MMP17: variants seen among roughly 807,000 people sequenced by gnomAD.
MMP17 encodes matrix metallopeptidase 17.
In MMP17, 54 loss-of-function variants were observed where a neutral mutation model predicts 49.1. The ratio of observed to expected loss-of-function variants is 1.10; its 90% CI spans 0.88 to 1.38. The LOEUF (loss-of-function observed/expected upper bound fraction) is 1.38, where lower values mean the gene tolerates loss of function less well. Ranked by LOEUF, MMP17 falls within the 40% of genes most tolerant of loss-of-function variation. The probability of loss-of-function intolerance (pLI) is 0.00; values close to 1 mark genes in which losing one functional copy is unlikely to be tolerated. For missense variants in MMP17, 837 were observed against 853.7 expected (o/e 0.98, Z 0.24); for synonymous variants, 397 against 383.1 (o/e 1.04, Z -0.42).
chr12:131,845,699 CCA>C (rs754196852), intron 8 of MMP17, among the ~76,000 whole-genome samples: 110 of 151,650 alleles, frequency 7.3e-4, no homozygotes, highest in Non-Finnish European at 8.5e-4. Context: ...TCTAGTCAGG[CCA>C]CAGTCCACCC....
rs1183679648 is a variant in MMP17 at position 131,841,765 on chromosome 12, C to G, written c.848C>G (p.Pro283Arg). The change falls in exon 5 of 10, where the codon CCC becomes CGC. Residue 283 changes from proline to arginine, a missense_variant. Pro to Arg is a moderately radical substitution (Grantham distance 103, BLOSUM62 -2). Coordinates refer to ENST00000360564, the MANE Select transcript of MMP17 (RefSeq NM_016155.7). ...PVGDPLRYGL[P>R]YEDKVRVWQL... ...GGTGACCCGCTGCGCTACGGGCTCC[C>G]CTACGAGGACAAGGTGCGCGTCTGG... The G allele has an allele frequency of 6.2e-7, 1 of 1,610,654 alleles. No homozygotes were observed. Among genetic ancestry groups the G allele is most frequent in the South Asian group, 1.1e-5 (1 of 90,792 alleles).
intron 1 of MMP17, among the ~76,000 whole-genome samples, chr12:131,837,420 G>C (rs1386283368): frequency 1.3e-5 from 2 of 151,738 alleles, no homozygotes; most frequent in Non-Finnish European, 1.5e-5. Flanking sequence ...CCACAGCACC[G>C]GCCAAGCCTG....
chr12:131,845,223 G>A lies in MMP17; in HGVS notation c.1051+23G>A, dbSNP rs377540712. 2.6e-4 allele frequency: 416 copies of A among 1,614,016 alleles called. 3 individuals are homozygous for A. In the South Asian group the frequency reaches 2.9e-3, roughly 11 times the overall value. On this transcript the variant is annotated intron_variant, in intron 7 of 9. Transcript: ENST00000360564. ...AAGGTACCTCCAGGGTTCCCGTGGCGGTTGGCTGAGGGCCATGGCCCACTC... is the reference window on the plus strand; with the variant it reads ...AAGGTACCTCCAGGGTTCCCGTGGCAGTTGGCTGAGGGCCATGGCCCACTC...
chr12:131,844,705 G>A, intron 6 of MMP17: 1 of 223,526 alleles, frequency 4.5e-6, no homozygotes. Context: ...CGGTGGACAT[G>A]CACCTTGTCC....
intron 1 of MMP17, among the ~76,000 whole-genome samples, chr12:131,829,946 G>A (rs1377451874): frequency 6.6e-6 from 1 of 152,234 alleles, no homozygotes; most frequent in Non-Finnish European, 1.5e-5. Context: ...TGAACTTGGG[G>A]TGCCCCCCTC....
intron 8 of MMP17, among the ~76,000 whole-genome samples, chr12:131,848,155 A>G (rs2136342196): frequency 6.6e-6 from 1 of 152,162 alleles, no homozygotes; most frequent in East Asian, 1.9e-4. Context: ...GTGTGATCTC[A>G]GCTCACTGCG....
At chr12:131,831,659 T>C (rs1271116971) in intron 1 of MMP17, among the ~76,000 whole-genome samples, 1 of 150,948 alleles carries the variant, frequency 6.6e-6, no homozygotes, top group Non-Finnish European at 1.5e-5. Flanking sequence ...GCCGTCTTCA[T>C]GGCTCCGGGG....
intron 2 of MMP17, 81 bp downstream of exon 2, chr12:131,838,408 A>T: frequency 1.9e-6 from 3 of 1,549,186 alleles, no homozygotes; most frequent in Non-Finnish European, 2.6e-6. Flanking sequence ...CTGATCAGGC[A>T]CAGTCCCGTC....
Position 131,841,801 on chromosome 12 carries a change from G to A in MMP17, c.883+1G>A. On this transcript the variant is annotated splice_donor_variant, in intron 5 of 9. Coordinates refer to ENST00000360564, the MANE Select transcript of MMP17 (RefSeq NM_016155.7). LOFTEE classifies it high-confidence loss of function. ...AAGGTGCGCGTCTGGCAGCTGTACG[G>A]TGAGTGTCTCCCCGAAGCCAGACAC... 4 of 1,583,366 alleles carry A rather than the reference G, an allele frequency of 2.5e-6. No individual in the cohort carries two copies. The highest frequency in any genetic ancestry group is 3.4e-6 in the Non-Finnish European group (4 of 1,166,898).
At chr12:131,840,459 G>A (rs1217530246) in intron 3 of MMP17, 114 bp from the exon 4 acceptor site, 1 of 1,122,896 alleles carries the variant, frequency 8.9e-7, no homozygotes, top group Non-Finnish European at 1.3e-6. Flanking sequence ...GGCGGAAGAT[G>A]GGGGAGACCC....
At position 131,840,856 on chromosome 12, in the gene MMP17, G is replaced by T; in HGVS notation, c.706G>T (p.Asp236Tyr). ...DDEAWTFRSS[D>Y]AHGMDLFAVA... is the part of the protein sequence containing the mutation. ...CGAGGCCTGGACCTTCCGCTCCTCG[G>T]GTGCGTCTGGGGCAGCCCTCAGGGC... The change falls in exon 4 of 10, where the codon GAT becomes TAT. Residue 236 changes from aspartate (D) to tyrosine (Y), a missense_variant and splice_region_variant. Coordinates refer to ENST00000360564, the MANE Select transcript of MMP17 (RefSeq NM_016155.7). 1 of 1,591,540 alleles carries T rather than the reference G, an allele frequency of 6.3e-7. No homozygotes were observed. The highest frequency in any genetic ancestry group is 8.5e-7 in the Non-Finnish European group (1 of 1,170,150).
At chr12:131,833,665 T>C (rs1886936752) in intron 1 of MMP17, among the ~76,000 whole-genome samples, 1 of 152,234 alleles carries the variant, frequency 6.6e-6, no homozygotes, top group Non-Finnish European at 1.5e-5. Flanking sequence ...AGTTTTCTCA[T>C]CTGTAAAATG....
intron 1 of MMP17, among the ~76,000 whole-genome samples, chr12:131,831,679 G>C (rs4964926): frequency 0.86 from 128,603 of 149,496 alleles, 55,896 homozygotes; most frequent in East Asian, 1. Context: ...GATGTTGTTT[G>C]CCTTGGACGT....
chr12:131,848,516 G>T (rs944609910), intron 8 of MMP17, among the ~76,000 whole-genome samples: 3 of 152,010 alleles, frequency 2.0e-5, no homozygotes, highest in Non-Finnish European at 4.4e-5. Context: ...TCCACCTCCC[G>T]AAGATTTCCA....
intron 1 of MMP17, among the ~76,000 whole-genome samples, chr12:131,831,508 C>A (rs1275824810): frequency 3.9e-5 from 6 of 151,926 alleles, no homozygotes. Flanking sequence ...CCAGGGTGTC[C>A]CCTCTCACCC....
chr12:131,829,205 G>T (rs1377136814), intron 1 of MMP17, among the ~76,000 whole-genome samples: 1 of 152,212 alleles, frequency 6.6e-6, no homozygotes, highest in Non-Finnish European at 1.5e-5. Context: ...CAAGGACCTG[G>T]CCCTCAGCCT....
chr12:131,849,725 G>C, intron 8 of MMP17, 77 bp from the exon 9 acceptor site: 1 of 1,518,138 alleles, frequency 6.6e-7, no homozygotes, highest in Non-Finnish European at 8.9e-7. Context: ...GCTGACACAG[G>C]AGAAGGAAAG....
At chr12:131,834,290 C>T (rs1237221081) in intron 1 of MMP17, among the ~76,000 whole-genome samples, 1 of 152,128 alleles carries the variant, frequency 6.6e-6, no homozygotes, top group Non-Finnish European at 1.5e-5. Context: ...CTCCTCCCTC[C>T]TCCCGGCAGC....
At chr12:131,836,029 C>G (rs976170449) in intron 1 of MMP17, among the ~76,000 whole-genome samples, 3 of 152,196 alleles carry the variant, frequency 2.0e-5, no homozygotes, top group African/African-American at 7.2e-5. Context: ...GCTGTCACCC[C>G]CAAGGCCCCT....
Sources: allele counts gnomAD v4.1 joint callset (sites outside exome capture counted in the v4.1 genomes callset), GRCh38; gene constraint gnomAD v4.1.1; transcripts MANE v1.5; gene names NCBI Gene and HGNC (gene_info 2026-07-23, HGNC 2026-07-21).